Variants in CREB5 observed in about 807,000 individuals in gnomAD.
The protein encoded by CREB5 is cAMP responsive element binding protein 5.
In CREB5, 19 loss-of-function variants were observed where a neutral mutation model predicts 57.1. That is an observed-to-expected ratio of 0.33 (90% CI 0.23 to 0.49). The LOEUF (loss-of-function observed/expected upper bound fraction) is 0.49. CREB5 is among the 20% of genes least tolerant of loss of function. CREB5 has a pLI of 0.99. For missense variants in CREB5, 579 were observed against 671.6 expected, an observed-to-expected ratio of 0.86 and a Z score of 1.52; for synonymous variants, 238 against 238.3, an observed-to-expected ratio of 1.00 and a Z score of 0.01.
intron 1 of CREB5, among the ~76,000 whole-genome samples, chr7:28,462,280 T>C (rs1216246334): frequency 6.6e-6 from 1 of 152,242 alleles, no homozygotes; most frequent in Non-Finnish European, 1.5e-5. Context: ...TAACATTTAA[T>C]GTATGGTTAT....
intron 5 of CREB5, among the ~76,000 whole-genome samples, chr7:28,609,783 C>T (rs889958677): frequency 6.6e-6 from 1 of 152,230 alleles, no homozygotes; most frequent in African/African-American, 2.4e-5. Flanking sequence ...CTGTTGAGCA[C>T]ACTCGCCTGT....
At chr7:28,492,429 G>A (rs11983765) in intron 2 of CREB5, among the ~76,000 whole-genome samples, 17 of 152,058 alleles carry the variant, frequency 1.1e-4, no homozygotes, top group African/African-American at 3.6e-4. Flanking sequence ...AATGAACCAC[G>A]TTCTGAATTC....
chr7:28,773,524 GAGTC>G (rs67515683), intron 7 of CREB5, among the ~76,000 whole-genome samples: 43,650 of 151,796 alleles, frequency 0.29, 6,774 homozygotes, highest in South Asian at 0.41. Context: ...TAGGCTTTGT[GAGTC>G]AGTCATATGA....
intron 5 of CREB5, among the ~76,000 whole-genome samples, chr7:28,702,564 C>T (rs945210916): frequency 3.3e-5 from 5 of 152,202 alleles, no homozygotes; most frequent in Admixed American, 6.5e-5. Flanking sequence ...TCCATCCAGA[C>T]GGAGCAGTGT....
At chr7:28,561,262 G>A (rs967727946) in intron 4 of CREB5, among the ~76,000 whole-genome samples, 19 of 152,280 alleles carry the variant, frequency 1.2e-4, no homozygotes, top group African/African-American at 4.6e-4. Flanking sequence ...ATCAGACCCT[G>A]TCCCCATCAT....
At chr7:28,349,737 G>T (rs79304836) in intron 1 of CREB5, among the ~76,000 whole-genome samples, 65 of 152,228 alleles carry the variant, frequency 4.3e-4, no homozygotes, top group African/African-American at 1.6e-3. Flanking sequence ...ACAACTGGGG[G>T]ATGTCACCAT....
At chr7:28,810,767 C>T (rs2128805444) in intron 9 of CREB5, among the ~76,000 whole-genome samples, 1 of 152,290 alleles carries the variant, frequency 6.6e-6, no homozygotes, top group East Asian at 1.9e-4. Context: ...ACCTAGTTCT[C>T]TGTGCATCCT....
chr7:28,512,603 T>G (rs1227152133), intron 4 of CREB5, among the ~76,000 whole-genome samples: 3 of 152,086 alleles, frequency 2.0e-5, no homozygotes, highest in African/African-American at 7.2e-5. Flanking sequence ...AGAAATTGCA[T>G]AATACACATC....
At chr7:28,560,963 T>TTGCGTGCGC (rs1795216591) in intron 4 of CREB5, among the ~76,000 whole-genome samples, 1 of 48,108 alleles carries the variant, frequency 2.1e-5, no homozygotes, top group Non-Finnish European at 3.9e-5. Flanking sequence ...TGTGTGTGCG[T>TTGCGTGCGC]GTGTGTGTGC....
At chr7:28,627,326 T>A (rs1319551634) in intron 5 of CREB5, among the ~76,000 whole-genome samples, 1 of 152,198 alleles carries the variant, frequency 6.6e-6, no homozygotes, top group African/African-American at 2.4e-5. Context: ...TTAGATACAA[T>A]AATACTTGAA....
chr7:28,676,697 T>C (rs41347), intron 5 of CREB5, among the ~76,000 whole-genome samples: 1 of 152,102 alleles, frequency 6.6e-6, no homozygotes, highest in Non-Finnish European at 1.5e-5. Flanking sequence ...GATGTGTAAC[T>C]AAAGTTCAAG....
intron 1 of CREB5, among the ~76,000 whole-genome samples, chr7:28,336,607 G>A (rs1329293339): frequency 6.6e-6 from 1 of 151,640 alleles, no homozygotes; most frequent in Non-Finnish European, 1.5e-5. Context: ...TTGGTTAAAG[G>A]TTTGTCAATT....
intron 5 of CREB5, among the ~76,000 whole-genome samples, chr7:28,608,761 A>T (rs957076704): frequency 2.0e-5 from 3 of 152,216 alleles, no homozygotes; most frequent in Admixed American, 6.5e-5. Context: ...GATGGTTGAC[A>T]TGTGTTGATA....
At chr7:28,756,067 A>T (rs1393864850) in intron 7 of CREB5, among the ~76,000 whole-genome samples, 1 of 152,192 alleles carries the variant, frequency 6.6e-6, no homozygotes, top group Non-Finnish European at 1.5e-5. Context: ...GAAGCCCAGA[A>T]TTTACAGCAT....
intron 7 of CREB5, among the ~76,000 whole-genome samples, chr7:28,793,933 CA>C (rs1477577962): frequency 1.3e-5 from 2 of 152,002 alleles, no homozygotes; most frequent in Non-Finnish European, 2.9e-5. Context: ...CCCTTTTTGC[CA>C]AATAATTAGG....
chr7:28,582,190 G>A (rs1363654883), intron 5 of CREB5, among the ~76,000 whole-genome samples: 1 of 152,200 alleles, frequency 6.6e-6, no homozygotes, highest in Non-Finnish European at 1.5e-5. Context: ...CACTTTCTCA[G>A]TAGTATTAAA....
chr7:28,573,004 T>G (rs1212607668), intron 5 of CREB5, among the ~76,000 whole-genome samples: 1 of 152,208 alleles, frequency 6.6e-6, no homozygotes, highest in Non-Finnish European at 1.5e-5. Context: ...GTGTTTGCCA[T>G]GTTGATTCAA....
intron 1 of CREB5, among the ~76,000 whole-genome samples, chr7:28,445,650 C>G (rs1265471850): frequency 6.6e-6 from 1 of 151,982 alleles, no homozygotes; most frequent in Non-Finnish European, 1.5e-5. Context: ...CTCCCAGGTT[C>G]ACGCCATTCT....
intron 5 of CREB5, among the ~76,000 whole-genome samples, chr7:28,691,885 G>A (rs1341577292): frequency 2.0e-5 from 3 of 151,838 alleles, no homozygotes; most frequent in Admixed American, 2.0e-4. Flanking sequence ...AGAAGCAGCT[G>A]TGGCTGGGCG....
Sources: allele counts gnomAD v4.1 joint callset (sites outside exome capture counted in the v4.1 genomes callset), GRCh38; gene constraint gnomAD v4.1.1; transcripts MANE v1.5; gene names NCBI Gene and HGNC (gene_info 2026-07-23, HGNC 2026-07-21).